Variants in DYM observed in about 807,000 individuals in gnomAD.
DYM encodes the protein dymeclin.
DYM carries 78 observed loss-of-function variants against 93.1 expected under a neutral mutation model. That is an observed-to-expected ratio of 0.84 (90% CI 0.70 to 1.01). The LOEUF (loss-of-function observed/expected upper bound fraction) is 1.01, where lower values mean the gene tolerates loss of function less well. DYM is among the 50% of genes least tolerant of loss of function. The probability of loss-of-function intolerance (pLI) is 0.00; values close to 1 mark genes in which losing one functional copy is unlikely to be tolerated. For missense variants in DYM, 789 were observed against 845.0 expected, an observed-to-expected ratio of 0.93 and a Z score of 0.82; for synonymous variants, 321 against 319.7, an observed-to-expected ratio of 1.00 and a Z score of -0.04.
At chr18:49,109,223 GTA>G (rs2081170490) in intron 16 of DYM, among the ~76,000 whole-genome samples, 2 of 146,302 alleles carry the variant, frequency 1.4e-5, no homozygotes, top group Admixed American at 6.7e-5. Context: ...TTATTGGCAT[GTA>G]GGATTTAAAT....
chr18:49,260,940 A>G (rs1346634419), intron 11 of DYM, among the ~76,000 whole-genome samples: 1 of 152,204 alleles, frequency 6.6e-6, no homozygotes, highest in African/African-American at 2.4e-5. Flanking sequence ...ACAAATCCAG[A>G]AGAATTCAAG....
At chr18:49,442,345 G>C (rs902494884) in intron 1 of DYM, among the ~76,000 whole-genome samples, 55 of 152,142 alleles carry the variant, frequency 3.6e-4, no homozygotes, top group African/African-American at 7.7e-4. Context: ...AGGACTTGGA[G>C]ATCAACCTGG....
rs1165966710 is a variant in DYM, at chr18:49,258,504, G to A, written c.1252-11C>T. ...AATATTTTTTAGTATCTGTAATGGG[G>A]AAGAAAAGTTTAAGTAAAAAATGAT... On this transcript the variant is annotated splice_polypyrimidine_tract_variant and intron_variant, in intron 11 of 17. Coordinates refer to ENST00000675505, the MANE Select transcript of DYM (RefSeq NM_001353214.3). 2.7e-6 allele frequency: 4 copies of A among 1,493,282 alleles called. No homozygotes were observed. The highest frequency in any genetic ancestry group is 3.7e-6 in the Non-Finnish European group (4 of 1,070,920). 92.5% of individuals were successfully genotyped at this position (1,493,282 alleles called of 1,614,324 possible). A position where few individuals can be genotyped will look rare whatever the true frequency, so the allele number is the denominator to read the frequency against.
At chr18:49,318,797 C>CTTTTTTTTTTT (rs932617888) in intron 8 of DYM, among the ~76,000 whole-genome samples, 5 of 114,384 alleles carry the variant, frequency 4.4e-5, no homozygotes, top group African/African-American at 7.1e-5. Flanking sequence ...ATTTCTTTTT[C>CTTTTTTTTTTT]TTTTTTTTTT....
intron 16 of DYM, among the ~76,000 whole-genome samples, chr18:49,115,672 T>C (rs1032998617): frequency 6.6e-6 from 1 of 152,190 alleles, no homozygotes; most frequent in African/African-American, 2.4e-5. Context: ...TGTAAAGATC[T>C]GAATAAATCT....
intron 13 of DYM, among the ~76,000 whole-genome samples, chr18:49,240,415 G>T (rs2093983209): frequency 6.6e-6 from 1 of 152,030 alleles, no homozygotes; most frequent in Admixed American, 6.5e-5. Context: ...CACATTACAT[G>T]TTAACATTAA....
rs552453359 is a variant in DYM at position 49,131,746 on chromosome 18, T to C, written c.1729-12820A>G. Reference sequence around the variant, plus strand: ...TTGTGAACCAAATAGTACCCAGCTATGCAGTATTCTTAACAAGAAAGGAGA... The same window carrying C: ...TTGTGAACCAAATAGTACCCAGCTACGCAGTATTCTTAACAAGAAAGGAGA... On this transcript the variant is annotated intron_variant, in intron 15 of 17. Transcript: ENST00000675505. Among the ~76,000 whole-genome samples the C allele has an allele frequency of 1.2e-4, 18 of 152,304 alleles. No individual in the cohort carries two copies. The East Asian group carries it at 3.1e-3, about 26-fold the overall frequency.
intron 2 of DYM, among the ~76,000 whole-genome samples, chr18:49,417,365 G>T (rs764997109): frequency 1.3e-5 from 2 of 151,916 alleles, no homozygotes; most frequent in Non-Finnish European, 2.9e-5. Flanking sequence ...GCCCAGGCTG[G>T]TCTCAAACTC....
At chr18:49,428,294 A>T (rs2074485063) in intron 2 of DYM, among the ~76,000 whole-genome samples, 1 of 152,054 alleles carries the variant, frequency 6.6e-6, no homozygotes. Flanking sequence ...CTAAAAAGGT[A>T]GAAGAAAAAA....
intron 6 of DYM, among the ~76,000 whole-genome samples, chr18:49,354,034 A>C (rs1347886361): frequency 6.6e-6 from 1 of 152,104 alleles, no homozygotes; most frequent in Non-Finnish European, 1.5e-5. Context: ...GACCTACTAC[A>C]AGGCTACAGT....
intron 1 of DYM, among the ~76,000 whole-genome samples, chr18:49,443,391 C>T (rs148642547): frequency 3.3e-4 from 50 of 152,208 alleles, no homozygotes; most frequent in African/African-American, 9.2e-4. Context: ...CTCAATGACA[C>T]GGTTTACTCA....
intron 13 of DYM, among the ~76,000 whole-genome samples, chr18:49,221,693 G>A (rs1372856823): frequency 2.0e-5 from 3 of 152,080 alleles, no homozygotes; most frequent in African/African-American, 7.2e-5. Context: ...ACTCATAGGT[G>A]GGAATTGAAC....
chr18:49,330,455 G>A (rs551437458), intron 8 of DYM, among the ~76,000 whole-genome samples: 6 of 152,012 alleles, frequency 3.9e-5, no homozygotes, highest in Non-Finnish European at 8.8e-5. Flanking sequence ...TTAAATTCAT[G>A]TTTTTTGGCA....
intron 13 of DYM, among the ~76,000 whole-genome samples, chr18:49,212,757 A>C (rs2092842894): frequency 6.6e-6 from 1 of 152,216 alleles, no homozygotes; most frequent in Non-Finnish European, 1.5e-5. Flanking sequence ...CTGGCCTTCC[A>C]AAGTGTTGAG....
At chr18:49,317,895 G>C (rs948523839) in intron 8 of DYM, among the ~76,000 whole-genome samples, 1 of 151,852 alleles carries the variant, frequency 6.6e-6, no homozygotes, top group Non-Finnish European at 1.5e-5. Context: ...TGAGGGTGCA[G>C]GTACAATAAG....
intron 5 of DYM, among the ~76,000 whole-genome samples, 155 bp from the exon 6 acceptor site, chr18:49,363,388 G>A (rs1435485646): frequency 6.6e-6 from 1 of 152,114 alleles, no homozygotes; most frequent in African/African-American, 2.4e-5. Context: ...TCCAAATCAT[G>A]AATAGGTTAG....
At chr18:49,073,042 G>A (rs945185735) in intron 17 of DYM, among the ~76,000 whole-genome samples, 8 of 152,186 alleles carry the variant, frequency 5.3e-5, no homozygotes, top group East Asian at 3.9e-4. Context: ...TTAGAGTTGG[G>A]AAAATGTAAT....
intron 6 of DYM, among the ~76,000 whole-genome samples, chr18:49,338,799 TAGAA>T: frequency 6.6e-6 from 1 of 152,206 alleles, no homozygotes; most frequent in East Asian, 1.9e-4. Flanking sequence ...CTAAAGTTGA[TAGAA>T]GGAAGAGTAC....
chr18:49,152,422 A>T (rs2085923035), intron 15 of DYM, among the ~76,000 whole-genome samples: 1 of 152,160 alleles, frequency 6.6e-6, no homozygotes, highest in South Asian at 2.1e-4. Flanking sequence ...CAAGCACGAA[A>T]ATTGGTTGTC....
Sources: allele counts gnomAD v4.1 joint callset (sites outside exome capture counted in the v4.1 genomes callset), GRCh38; gene constraint gnomAD v4.1.1; transcripts MANE v1.5; gene names NCBI Gene and HGNC (gene_info 2026-07-23, HGNC 2026-07-21).